The following USP6 variants were observed in gnomAD, a reference collection of about 807,000 sequenced individuals.
USP6 encodes ubiquitin carboxyl-terminal hydrolase 6.
A neutral mutation model predicts 175.7 loss-of-function variants in USP6; 128 were observed. The ratio of observed to expected loss-of-function variants is 0.73; its 90% CI spans 0.63 to 0.84. USP6 has a LOEUF of 0.84. Among genes scored for constraint, USP6 ranks in the 40% least tolerant of loss-of-function variants. The pLI is 0.00. For missense variants in USP6, 1,498 were observed against 1,760.3 expected (o/e 0.85, Z 2.67); for synonymous variants, 562 against 630.6 (o/e 0.89, Z 1.63).
rs141532704 is a variant in USP6, at chr17:5,170,690, G to A, written c.3729G>A (p.Leu1243=). The A allele has an allele frequency of 1.5e-5, 24 of 1,613,854 alleles. No individual in the cohort carries two copies. In the African/African-American group the frequency reaches 3.1e-4, roughly 21 times the overall value. Residue 1243 remains leucine (L), a synonymous_variant, in exon 36 of 38, where the codon TTG becomes TTA. Transcript: ENST00000574788. ...AGQICELADA[L]SRGHMRGGSQ... ...AGATCTGTGAGCTGGCTGACGCCTT[G>A]AGCCGAGGGCATATGCGGGGGGGCA...
intron 20 of USP6, 143 bp downstream of exon 20, chr17:5,137,893 T>C: frequency 2.6e-6 from 4 of 1,549,346 alleles, no homozygotes; most frequent in Non-Finnish European, 3.5e-6. Context: ...GGCAGGGCAC[T>C]GTGACACCGA....
intron 2 of USP6, among the ~76,000 whole-genome samples, chr17:5,119,231 C>T (rs2072598508): frequency 6.6e-6 from 1 of 152,180 alleles, no homozygotes; most frequent in South Asian, 2.1e-4. Flanking sequence ...TGTTTAAAAT[C>T]TTATGAAGGC....
chr17:5,124,025 TC>T (rs374042840), intron 4 of USP6, among the ~76,000 whole-genome samples: 100 of 152,078 alleles, frequency 6.6e-4, no homozygotes, highest in African/African-American at 2.2e-3. Flanking sequence ...ATAGAAGTAA[TC>T]AGGGGACCCT....
chr17:5,147,588 G>T (rs763630266), intron 29 of USP6, among the ~76,000 whole-genome samples: 14 of 152,240 alleles, frequency 9.2e-5, no homozygotes, highest in Admixed American at 2.0e-4. Context: ...AGTATGCTTT[G>T]TCTATTCTTT....
intron 34 of USP6, 138 bp downstream of exon 34, chr17:5,168,261 T>A: frequency 1.8e-6 from 2 of 1,094,950 alleles, no homozygotes; most frequent in Non-Finnish European, 2.5e-6. Context: ...GTACAAGGTT[T>A]TTATGTTGAA....
rs759098365 is a variant in USP6 at position 5,130,627 on chromosome 17, A to G, written c.98A>G (p.Asp33Gly). The change falls in exon 11 of 38, where the codon GAC becomes GGC. Residue 33 changes from aspartate to glycine, a missense_variant. Coordinates refer to ENST00000574788, the MANE Select transcript of USP6 (RefSeq NM_001304284.2). ...DKGHRAGLPE[D>G]KGPEPVGINS... ...GGACACCGAGCTGGGCTGCCAGAGG[A>G]CAAGGGGCCTGAGCCCGTTGGAATC... 22 of 1,613,886 alleles carry G rather than the reference A, an allele frequency of 1.4e-5. 1 individual carries two copies. The South Asian group carries it at 2.4e-4, about 18-fold the overall frequency.
chr17:5,117,155 C>A (rs1321346997), intron 1 of USP6, among the ~76,000 whole-genome samples: 1 of 152,170 alleles, frequency 6.6e-6, no homozygotes, highest in Non-Finnish European at 1.5e-5. Context: ...ATTATAAGTT[C>A]CATCAGGCCA....
At position 5,170,928 on chromosome 17, in the gene USP6, T is replaced by C. The variant is rs777249560; in HGVS notation, c.3954+13T>C. On this transcript the variant is annotated intron_variant, in intron 36 of 37. Coordinates refer to ENST00000574788, the MANE Select transcript of USP6 (RefSeq NM_001304284.2). ...ATATGCAATTTCAGTAAGTGGTTTA[T>C]TATACGGTTTTCAGAGAGTGGTCTG... is the stretch of plus-strand genomic sequence containing the variant. 1 of 1,607,740 alleles carries C rather than the reference T, an allele frequency of 6.2e-7. No individual in the cohort carries two copies. Among genetic ancestry groups the C allele is most frequent in the Non-Finnish European group, 8.5e-7 (1 of 1,176,298 alleles).
Position 5,123,464 on chromosome 17 carries a change from C to T in USP6, c.-1298-1102C>T, listed in dbSNP as rs2072774736. 2.0e-5 allele frequency among the ~76,000 whole-genome samples: 3 copies of T among 152,120 alleles called. No homozygotes were observed. The East Asian group carries it at 5.8e-4, about 29-fold the overall frequency. Reference sequence around the variant, plus strand: ...TGCCAGGGGCGGGCAGGCAGGGGGCCGGCCCAGCCCGCGTCACCCGGCAGC... The same window carrying T: ...TGCCAGGGGCGGGCAGGCAGGGGGCTGGCCCAGCCCGCGTCACCCGGCAGC... On this transcript the variant is annotated intron_variant, in intron 4 of 37. Transcript: ENST00000574788.
intron 3 of USP6, 141 bp downstream of exon 3, chr17:5,120,929 C>T (rs530390628): frequency 1.2e-4 from 55 of 454,504 alleles, no homozygotes; most frequent in East Asian, 4.2e-4. Context: ...CTCATGATTT[C>T]GATGTAAAAT....
chr17:5,135,400 G>A (rs2073221130), intron 16 of USP6, 118 bp downstream of exon 16: 5 of 1,358,482 alleles, frequency 3.7e-6, no homozygotes, highest in Non-Finnish European at 5.2e-6. Flanking sequence ...CCAGGATATA[G>A]GAGGTAGGAT....
In USP6 at chr17:5,170,730, G is replaced by C; in HGVS notation, c.3769G>C (p.Val1257Leu). 6.2e-7 allele frequency: 1 copy of C among 1,613,950 alleles called. No individual in the cohort carries two copies. The highest frequency in any genetic ancestry group is 1.1e-5 in the South Asian group (1 of 91,082). Residue 1257 changes from valine to leucine, a missense_variant, in exon 36 of 38, where the codon GTC becomes CTC. This residue lies in a region of USP6 where 1,217 missense variants were observed against 1,500.8 expected (regional missense o/e 0.81). Transcript: ENST00000574788. Reference sequence around the variant, plus strand: ...GCGGGGGGGCAGCCAACCAGAGCTGGTCACTCCTCAGGACCATGAGGTAGC... The same window carrying C: ...GCGGGGGGGCAGCCAACCAGAGCTGCTCACTCCTCAGGACCATGAGGTAGC... ...HMRGGSQPEL[V>L]TPQDHEVALA...
Position 5,150,295 on chromosome 17 carries a change from A to AAAATAAATAAAT in USP6, c.2643+1560_2643+1571dup, listed in dbSNP as rs201171351. On this transcript the variant is annotated intron_variant, in intron 30 of 37. Coordinates refer to ENST00000574788, the MANE Select transcript of USP6 (RefSeq NM_001304284.2). ...CAACAAGAGCGAAACTCCGTCTAAAAAAATAAATAAATAAATAAATAAATA... is the reference window on the plus strand; with the variant it reads ...CAACAAGAGCGAAACTCCGTCTAAAAAAATAAATAAATAAATAAATAAATAAATAAATAAATA... Among the ~76,000 whole-genome samples the AAAATAAATAAAT allele has an allele frequency of 1.9e-3, 264 of 138,868 alleles. 2 individuals are homozygous for AAAATAAATAAAT. Among genetic ancestry groups the AAAATAAATAAAT allele is most frequent in the Middle Eastern group, 3.7e-3 (1 of 272 alleles). 91.1% of individuals were successfully genotyped at this position (138,868 alleles called of 152,430 possible).
At chr17:5,145,903 A>G in intron 27 of USP6, 120 bp from the exon 28 acceptor site, 1 of 1,333,068 alleles carries the variant, frequency 7.5e-7, no homozygotes, top group Non-Finnish European at 9.8e-7. Flanking sequence ...CCCATAAAAT[A>G]AAAATTCTAG....
chr17:5,165,294 A>G (rs576074935), intron 33 of USP6, among the ~76,000 whole-genome samples: 1 of 152,332 alleles, frequency 6.6e-6, no homozygotes, highest in Non-Finnish European at 1.5e-5. Context: ...CCTAGTAATC[A>G]GAAAAAAATA....
rs1390641365 is a variant in USP6 at position 5,124,783 on chromosome 17, A to C, written c.-1081A>C. 1.3e-5 allele frequency: 2 copies of C among 152,242 alleles called. No individual in the cohort carries two copies. Among genetic ancestry groups the C allele is most frequent in the African/African-American group, 4.8e-5 (2 of 41,460 alleles). The allele number at this position is 152,242 out of a possible 1,614,324, so 9.4% of individuals were successfully genotyped here. A position where few individuals can be genotyped will look rare whatever the true frequency, so the allele number is the denominator to read the frequency against. ...GGAAACTAACGCAGCCTGTTAGCCC[A>C]CAGATGGTGAAGGGATGGAATGCTC... On this transcript the variant is annotated 5_prime_UTR_variant, in exon 5 of 38. Coordinates refer to ENST00000574788, the MANE Select transcript of USP6 (RefSeq NM_001304284.2).
intron 26 of USP6, among the ~76,000 whole-genome samples, chr17:5,145,189 A>G (rs766502268): frequency 6.6e-6 from 1 of 152,240 alleles, no homozygotes; most frequent in Non-Finnish European, 1.5e-5. Context: ...ATACTTATTA[A>G]TGGACAAATA....
chr17:5,125,117 T>C lies in USP6; in HGVS notation c.-747T>C, dbSNP rs2072845765. On this transcript the variant is annotated 5_prime_UTR_variant, in exon 5 of 38. It removes an upstream start codon present in the reference 5' UTR. Coordinates refer to ENST00000574788, the MANE Select transcript of USP6 (RefSeq NM_001304284.2). The stretch of plus-strand genomic sequence containing the variant: ...GTGCCGTTAGATTCTCACAGAAGCA[T>C]GAACCCTACTGTGAACTGCGCATGC... The C allele has an allele frequency of 6.6e-6, 1 of 152,236 alleles. No individual in the cohort carries two copies. Among genetic ancestry groups the C allele is most frequent in the South Asian group, 2.1e-4 (1 of 4,832 alleles). The allele number at this position is 152,236 out of a possible 1,614,324, so 9.4% of individuals were successfully genotyped here. A position where few individuals can be genotyped will look rare whatever the true frequency, so the allele number is the denominator to read the frequency against.
Position 5,132,495 on chromosome 17 carries a change from G to A in USP6, c.195+60G>A. 6.2e-7 allele frequency: 1 copy of A among 1,611,944 alleles called. No individual in the cohort carries two copies. ...GACGTAGGGACTGGGCGGGTGGTCA[G>A]TGAGGCAGAGGAAGCAGCTGGCCTG... On this transcript the variant is annotated intron_variant, in intron 12 of 37. Transcript: ENST00000574788. The surrounding 1 kb of genome is among the most constrained non-coding windows in gnomAD (Gnocchi z 4.7).
Sources: allele counts gnomAD v4.1 joint callset (sites outside exome capture counted in the v4.1 genomes callset), GRCh38; gene constraint gnomAD v4.1.1; regional missense constraint gnomAD v4.1.1; non-coding constraint Gnocchi (gnomAD v3.1); transcripts MANE v1.5; gene names NCBI Gene and HGNC (gene_info 2026-07-23, HGNC 2026-07-21).